Variants in PDE4D observed in about 807,000 individuals in gnomAD.
PDE4D encodes the protein 3',5'-cyclic-AMP phosphodiesterase 4D.
Under a neutral mutation model 87.4 loss-of-function variants are expected in PDE4D, and 24 were observed. The observed-to-expected ratio is 0.27, with a 90% CI of 0.20 to 0.39. The LOEUF (loss-of-function observed/expected upper bound fraction) is 0.39. Among genes scored for constraint, PDE4D ranks in the 10% least tolerant of loss-of-function variants. The pLI, the probability that PDE4D is intolerant of heterozygous loss-of-function variation, is 1.00. For missense variants in PDE4D, 714 were observed against 1,041.0 expected, an observed-to-expected ratio of 0.69 and a Z score of 4.32; for synonymous variants, 384 against 383.2, an observed-to-expected ratio of 1.00 and a Z score of -0.02.
chr5:59,633,529 C>G (rs889335029), intron 1 of PDE4D, among the ~76,000 whole-genome samples: 2 of 152,218 alleles, frequency 1.3e-5, no homozygotes, highest in Admixed American at 1.3e-4. Flanking sequence ...ATCAGACTAA[C>G]AGCTGATCTC....
chr5:59,637,395 G>T (rs891433303), intron 1 of PDE4D, among the ~76,000 whole-genome samples: 1 of 152,038 alleles, frequency 6.6e-6, no homozygotes, highest in African/African-American at 2.4e-5. Flanking sequence ...CCATTACTGG[G>T]TATATAATCC....
At chr5:60,206,165 A>C (rs1022934191) in intron 1 of PDE4D, among the ~76,000 whole-genome samples, 1 of 152,168 alleles carries the variant, frequency 6.6e-6, no homozygotes, top group Non-Finnish European at 1.5e-5. Flanking sequence ...ACGGACTTGC[A>C]ATGTAACCCC....
chr5:60,152,113 A>G (rs1245443742), intron 2 of PDE4D, among the ~76,000 whole-genome samples: 1 of 152,214 alleles, frequency 6.6e-6, no homozygotes, highest in African/African-American at 2.4e-5. Context: ...ATCATAGTAT[A>G]TCATCCTTTT....
At chr5:59,517,124 T>C (rs1303965585) in intron 1 of PDE4D, among the ~76,000 whole-genome samples, 1 of 150,506 alleles carries the variant, frequency 6.6e-6, no homozygotes, top group Non-Finnish European at 1.5e-5. Context: ...CTTGATTTAA[T>C]ATAGTTAATA....
At chr5:60,192,036 A>G (rs941395119) in intron 1 of PDE4D, among the ~76,000 whole-genome samples, 1 of 152,146 alleles carries the variant, frequency 6.6e-6, no homozygotes. Flanking sequence ...AAAGCAATTC[A>G]TTATCATTCT....
chr5:60,077,857 C>T (rs1256268665), intron 2 of PDE4D, among the ~76,000 whole-genome samples: 1 of 152,166 alleles, frequency 6.6e-6, no homozygotes, highest in Non-Finnish European at 1.5e-5. Flanking sequence ...GAGTGGATCG[C>T]TCCTGGCCTG....
chr5:59,085,935 G>C (rs1276350191), intron 5 of PDE4D, among the ~76,000 whole-genome samples: 1 of 152,122 alleles, frequency 6.6e-6, no homozygotes, highest in Non-Finnish European at 1.5e-5. Context: ...TGGAGGTTGG[G>C]GTTGTAGAAG....
At position 59,104,581 on chromosome 5, in the gene PDE4D, G is replaced by A. The variant is rs1389875824; in HGVS notation, c.809-65610C>T. On this transcript the variant is annotated intron_variant, in intron 5 of 14. Transcript: ENST00000340635. ...CCATGTAATTCACAACAGCGGCAAG[G>A]AAACTGCTTAAGAAAGCTGATAAGA... 2.0e-5 allele frequency among the ~76,000 whole-genome samples: 3 copies of A among 152,258 alleles called. No homozygotes were observed. In the East Asian group the frequency reaches 5.8e-4, roughly 29 times the overall value.
chr5:59,881,939 G>T (rs1327315081), intron 1 of PDE4D, among the ~76,000 whole-genome samples: 1 of 152,180 alleles, frequency 6.6e-6, no homozygotes, highest in East Asian at 1.9e-4. Flanking sequence ...AATGGGTGTG[G>T]AGGAAAAGGC....
chr5:59,053,657 TGTTG>T lies in PDE4D; in HGVS notation c.809-14690_809-14687del, dbSNP rs771592901. ...TGTTTTGTTTTTTGTTTTTTTTTGT[TGTTG>T]TTTTTTTTTTTTGGCCAGGCACGGT... On this transcript the variant is annotated intron_variant, in intron 5 of 14. Coordinates refer to ENST00000340635, the MANE Select transcript of PDE4D (RefSeq NM_001104631.2). Among the ~76,000 whole-genome samples the T allele has an allele frequency of 6.5e-3, 499 of 77,030 alleles. 1 individual carries two copies. The highest frequency in any genetic ancestry group is 8.7e-3 in the Non-Finnish European group (288 of 32,974). 50.5% of individuals were successfully genotyped at this position (77,030 alleles called of 152,430 possible).
At chr5:60,390,537 T>C (rs1003492730) in intron 1 of PDE4D, among the ~76,000 whole-genome samples, 4 of 151,820 alleles carry the variant, frequency 2.6e-5, no homozygotes, top group African/African-American at 7.3e-5. Context: ...GACTGATCCA[T>C]AAAATTGGTT....
intron 1 of PDE4D, among the ~76,000 whole-genome samples, chr5:60,281,639 C>G (rs1751913442): frequency 6.6e-6 from 1 of 151,986 alleles, no homozygotes; most frequent in African/African-American, 2.4e-5. Flanking sequence ...ATGACCAACC[C>G]TTTTTTTAAA....
At chr5:60,476,145 T>C (rs1561297850) in intron 1 of PDE4D, among the ~76,000 whole-genome samples, 1 of 152,206 alleles carries the variant, frequency 6.6e-6, no homozygotes, top group African/African-American at 2.4e-5. Context: ...TGTAAAATCA[T>C]AGTTTTCACA....
At chr5:60,145,593 A>C (rs1407667027) in intron 2 of PDE4D, among the ~76,000 whole-genome samples, 1 of 152,212 alleles carries the variant, frequency 6.6e-6, no homozygotes, top group Admixed American at 6.5e-5. Flanking sequence ...AAGTATTTGG[A>C]AACTTTTTTC....
intron 1 of PDE4D, among the ~76,000 whole-genome samples, chr5:59,560,411 C>G (rs1167109326): frequency 6.6e-6 from 1 of 152,170 alleles, no homozygotes; most frequent in Non-Finnish European, 1.5e-5. Flanking sequence ...TTCATTCATT[C>G]ACTCACTCAT....
intron 1 of PDE4D, among the ~76,000 whole-genome samples, chr5:59,767,914 G>T (rs528652078): frequency 2.6e-5 from 4 of 152,230 alleles, no homozygotes; most frequent in Admixed American, 6.5e-5. Flanking sequence ...CAGGGAAATT[G>T]GTTTAAGGAA....
chr5:60,447,778 C>T (rs550847535), intron 1 of PDE4D, among the ~76,000 whole-genome samples: 2 of 152,236 alleles, frequency 1.3e-5, no homozygotes, highest in Admixed American at 1.3e-4. Context: ...GACAAGGACA[C>T]CAAGCTACAG....
At chr5:59,177,192 C>T (rs1784040396) in intron 5 of PDE4D, among the ~76,000 whole-genome samples, 1 of 152,170 alleles carries the variant, frequency 6.6e-6, no homozygotes, top group Non-Finnish European at 1.5e-5. Flanking sequence ...ACAAATGAGA[C>T]TAGTGCCTTT....
chr5:59,636,572 C>T (rs62372240), intron 1 of PDE4D, among the ~76,000 whole-genome samples: 9,559 of 152,200 alleles, frequency 0.063, 456 homozygotes, highest in Admixed American at 0.13. Context: ...ACCAATGGAA[C>T]AGAACAGAGG....
Sources: gnomAD v4.1 joint callset for allele counts (sites outside exome capture counted in the v4.1 genomes callset) on GRCh38, gnomAD v4.1.1 for gene constraint, MANE v1.5 for transcripts, NCBI Gene and HGNC (gene_info 2026-07-23, HGNC 2026-07-21) for gene names.